The following MUC4 variants were observed in gnomAD, a reference collection of about 807,000 sequenced individuals.
MUC4 encodes the protein mucin 4, cell surface associated.
MUC4 carries 202 observed loss-of-function variants against 257.9 expected under a neutral mutation model. That is an observed-to-expected ratio of 0.78 (90% CI 0.70 to 0.88). MUC4 has a LOEUF of 0.88. MUC4 is among the 40% of genes least tolerant of loss of function. MUC4 has a pLI of 0.00. For missense variants in MUC4, 5,976 were observed against 6,513.7 expected (o/e 0.92, Z 2.84); for synonymous variants, 2,351 against 2,757.1 (o/e 0.85, Z 4.62).
chr3:195,787,055 T>G lies in MUC4; in HGVS notation c.4525A>C (p.Ser1509Arg). The G allele has an allele frequency of 7.1e-7, 1 of 1,413,728 alleles. No individual in the cohort carries two copies. The allele number at this position is 1,413,728 out of a possible 1,614,324, so 87.6% of individuals were successfully genotyped here. Residue 1509 changes from serine (S) to arginine (R), a missense_variant, in exon 2 of 25, where the codon AGC (serine) becomes CGC (arginine). This residue lies in a region of MUC4 where 19 missense variants were observed against 83.2 expected (regional missense o/e 0.23). Transcript: ENST00000463781. The part of the protein sequence containing the change: ...TGHVTPLHVT[S>R]PSSASTGHAT... Reference sequence around the variant, plus strand: ...TGACCTGTGGATGCTGAGGAAGGGCTGGTGACATGAAGAGGAGTGACGTGA... The same window carrying G: ...TGACCTGTGGATGCTGAGGAAGGGCGGGTGACATGAAGAGGAGTGACGTGA...
Position 195,771,826 on chromosome 3 carries a change from T to C in MUC4, c.13078-10A>G, listed in dbSNP as rs754742166. On this transcript the variant is annotated splice_polypyrimidine_tract_variant and intron_variant, in intron 4 of 24. Coordinates refer to ENST00000463781, the MANE Select transcript of MUC4 (RefSeq NM_018406.7). ...GGCCATTGTCTGTGAACTGAGCACA[T>C]GGGTTTTGTGGTCAGCATTCAGGGA... The C allele has an allele frequency of 1.9e-6, 3 of 1,611,864 alleles. No individual in the cohort carries two copies. The highest frequency in any genetic ancestry group is 1.1e-5 in the South Asian group (1 of 91,042).
chr3:195,803,958 A>C (rs1023226194), intron 1 of MUC4, among the ~76,000 whole-genome samples: 19 of 152,124 alleles, frequency 1.2e-4, no homozygotes, highest in Admixed American at 1.2e-3. Context: ...TGTTTTTGCA[A>C]TGTTCCTGGT....
At position 195,789,735 on chromosome 3, in the gene MUC4, T is replaced by C. The variant is rs146724565; in HGVS notation, c.1845A>G (p.Ser615=). ...HTSQQITTAP[S]TNHSTIHSTS... ...TGGAATGTATTGTTGAATGATTTGT[T>C]GATGGTGCCGTTGTAATTTGTTGGG... Residue 615 remains serine, a synonymous_variant, in exon 2 of 25, where the codon TCA becomes TCG. Coordinates refer to ENST00000463781, the MANE Select transcript of MUC4 (RefSeq NM_018406.7). 5.5e-5 allele frequency: 89 copies of C among 1,613,942 alleles called. No individual in the cohort carries two copies. In the East Asian group the frequency reaches 2.0e-3, roughly 36 times the overall value.
At position 195,791,086 on chromosome 3, in the gene MUC4, A is replaced by G. The variant is rs1430729564; in HGVS notation, c.494T>C (p.Val165Ala). ...STAGTESSTP[V>A]TSAVSITAGQ... is the part of the protein sequence containing the mutation. ...AGCTGTTATTGAGACTGCTGAGGTC[A>G]CTGGGGTAGAACTTTCAGTTCCTGC... Residue 165 changes from valine to alanine, a missense_variant, in exon 2 of 25, where the codon GTG becomes GCG. This residue lies in a region of MUC4 where 1,583 missense variants were observed against 1,257.4 expected (regional missense o/e 1.26). Coordinates refer to ENST00000463781, the MANE Select transcript of MUC4 (RefSeq NM_018406.7). 5 of 1,613,322 alleles carry G rather than the reference A, an allele frequency of 3.1e-6. No homozygotes were observed. Among genetic ancestry groups the G allele is most frequent in the Non-Finnish European group, 4.2e-6 (5 of 1,179,822 alleles).
chr3:195,784,823 CACCTGTGGATGCTGAGGAAAGGCTG>C lies in MUC4; in HGVS notation c.6732_6756del (p.Ser2245ThrfsTer751), dbSNP rs1730629869. 1 of 1,488,262 alleles carries C rather than the reference CACCTGTGGATGCTGAGGAAAGGCTG, an allele frequency of 6.7e-7. No homozygotes were observed. The highest frequency in any genetic ancestry group is 8.9e-7 in the Non-Finnish European group (1 of 1,119,260). 92.2% of individuals were successfully genotyped at this position (1,488,262 alleles called of 1,614,324 possible). ...TCGGTGACAGGAAGAGGGGTGGTGTCACCTGTGGATGCTGAGGAAAGGCTGGTGACAGGAAGAGGGGTGGCCTGTC... is the reference window on the plus strand; with the variant it reads ...TCGGTGACAGGAAGAGGGGTGGTGTCGTGACAGGAAGAGGGGTGGCCTGTC... On this transcript the variant is annotated frameshift_variant, in exon 2 of 25. Coordinates refer to ENST00000463781, the MANE Select transcript of MUC4 (RefSeq NM_018406.7). LOFTEE classifies it high-confidence loss of function.
At chr3:195,762,008 C>T in intron 14 of MUC4, 79 bp downstream of exon 14, 1 of 1,460,178 alleles carries the variant, frequency 6.8e-7, no homozygotes, top group Non-Finnish European at 9.2e-7. Context: ...CCGAGCAGGG[C>T]TGCCCGGGCC....
chr3:195,797,135 G>T (rs767494096), intron 1 of MUC4, among the ~76,000 whole-genome samples: 1 of 151,838 alleles, frequency 6.6e-6, no homozygotes, highest in Non-Finnish European at 1.5e-5. Flanking sequence ...TGGGCTTGGT[G>T]GCACACACCT....
At chr3:195,748,456 C>T (rs1170103292) in intron 24 of MUC4, among the ~76,000 whole-genome samples, 1 of 152,234 alleles carries the variant, frequency 6.6e-6, no homozygotes, top group Non-Finnish European at 1.5e-5. Flanking sequence ...CCCAACTACT[C>T]GGGAGGCTGA....
intron 1 of MUC4, among the ~76,000 whole-genome samples, chr3:195,803,458 G>A (rs1274297029): frequency 2.0e-5 from 3 of 152,224 alleles, no homozygotes; most frequent in South Asian, 2.1e-4. Flanking sequence ...TGCAAGCAGC[G>A]AGAGCCTCCG....
intron 6 of MUC4, 46 bp from the exon 7 acceptor site, chr3:195,769,198 G>A (rs368821153): frequency 3.2e-5 from 51 of 1,607,036 alleles, no homozygotes; most frequent in African/African-American, 1.6e-4. Flanking sequence ...TGAGAGATCC[G>A]GGGTCTCCTC....
rs1237629089 is a variant in MUC4 at position 195,788,709 on chromosome 3, C to T, written c.2871G>A (p.Leu957=). 6.2e-7 allele frequency: 1 copy of T among 1,611,802 alleles called. No homozygotes were observed. Among genetic ancestry groups the T allele is most frequent in the Admixed American group, 1.7e-5 (1 of 59,880 alleles). The part of the protein sequence containing the change: ...LTSPQTETHT[L]SPSGSGKTFT... ...AGGTTTTACCAGACCCTGAAGGTGA[C>T]AGAGTGTGGGTCTCGGTTTGTGGAG... Residue 957 remains leucine, a synonymous_variant, in exon 2 of 25, where the codon CTG becomes CTA. Coordinates refer to ENST00000463781, the MANE Select transcript of MUC4 (RefSeq NM_018406.7).
rs1736600202 is a variant in MUC4 at position 195,810,704 on chromosome 3, C to T, written c.82+1032G>A. 6.6e-6 allele frequency among the ~76,000 whole-genome samples: 1 copy of T among 152,172 alleles called. No individual in the cohort carries two copies. Among genetic ancestry groups the T allele is most frequent in the African/African-American group, 2.4e-5 (1 of 41,448 alleles). ...CGCACCACCCTCCCGGCCGGCCTGC[C>T]CCTCTCCTCCTTGTCGCTTCCCTTG... On this transcript the variant is annotated intron_variant, in intron 1 of 24. Transcript: ENST00000463781. This position sits in a 1 kb window ranked among gnomAD's most constrained non-coding sequence, Gnocchi z 4.2.
Position 195,783,533 on chromosome 3 carries a change from T to A in MUC4, c.8047A>T (p.Thr2683Ser), listed in dbSNP as rs200234549. 18 of 432,660 alleles carry A rather than the reference T, an allele frequency of 4.2e-5. 3 individuals are homozygous for A. Among genetic ancestry groups the A allele is most frequent in the Non-Finnish European group, 5.5e-5 (15 of 271,904 alleles). 26.8% of individuals were successfully genotyped at this position (432,660 alleles called of 1,614,324 possible). A position where few individuals can be genotyped will look rare whatever the true frequency, so the allele number is the denominator to read the frequency against. Residue 2683 changes from threonine (T) to serine (S), a missense_variant, in exon 2 of 25, where the codon ACC becomes TCC. Around this residue, in one of 44 missense-constraint regions of MUC4, gnomAD observed 75 missense variants for 58.7 expected, o/e 1.28. Transcript: ENST00000463781. ...ACAGGAAGAGAGGTGGCATGACCGGTGGATGCTGAGGAAGGGCTAGTGACA... is the reference window on the plus strand; with the variant it reads ...ACAGGAAGAGAGGTGGCATGACCGGAGGATGCTGAGGAAGGGCTAGTGACA... ...LPVTSPSSASTGHATSLPVTD... is the reference protein window; with the variant it reads ...LPVTSPSSASSGHATSLPVTD...
Position 195,762,035 on chromosome 3 carries a change from G to A in MUC4, c.14512+52C>T, listed in dbSNP as rs561988966. 2.5e-3 allele frequency: 3,874 copies of A among 1,532,990 alleles called. 10 individuals are homozygous for A. Among genetic ancestry groups the A allele is most frequent in the Non-Finnish European group, 2.7e-3 (3,116 of 1,143,280 alleles). The allele number at this position is 1,532,990 out of a possible 1,614,324, so 95.0% of individuals were successfully genotyped here. A position where few individuals can be genotyped will look rare whatever the true frequency, so the allele number is the denominator to read the frequency against. ...GCCCGGGCCGCCGGCGTGGGGGTCC[G>A]AGCTCCGGCTGGCTCCGCGGAGCCT... On this transcript the variant is annotated intron_variant, in intron 14 of 24. Coordinates refer to ENST00000463781, the MANE Select transcript of MUC4 (RefSeq NM_018406.7).
At position 195,760,916 on chromosome 3, in the gene MUC4, C is replaced by T; in HGVS notation, c.14816G>A (p.Ser4939Asn). The change falls in exon 16 of 25, where the codon AGT (serine) becomes AAT (asparagine). Residue 4939 changes from serine (S) to asparagine (N), a missense_variant. Transcript: ENST00000463781. The stretch of plus-strand genomic sequence containing the variant: ...GGCGTTCGCCTGCTCGTAGTTTTTA[C>T]TGACTTCCCTCGTGTGAAGTCCGAT... The part of the protein sequence containing the change: ...ASIGLHTREV[S>N]KNYEQANATL... The T allele has an allele frequency of 6.2e-7, 1 of 1,614,216 alleles. No individual in the cohort carries two copies. Among genetic ancestry groups the T allele is most frequent in the Non-Finnish European group, 8.5e-7 (1 of 1,180,040 alleles).
Position 195,789,178 on chromosome 3 carries a change from C to T in MUC4, c.2402G>A (p.Gly801Asp), listed in dbSNP as rs1358538841. 1 of 1,613,806 alleles carries T rather than the reference C, an allele frequency of 6.2e-7. No individual in the cohort carries two copies. The highest frequency in any genetic ancestry group is 2.2e-5 in the East Asian group (1 of 44,886). Reference sequence around the variant, plus strand: ...CCCGGATGAGGAAGGGGTAGCTGTGCCCGCTGAGGTGGTTCGTGACCCTGA... The same window carrying T: ...CCCGGATGAGGAAGGGGTAGCTGTGTCCGCTGAGGTGGTTCGTGACCCTGA... ...ASSGSRTTSA[G>D]TATPSSSGAS... The change falls in exon 2 of 25, where the codon GGC becomes GAC. Residue 801 changes from glycine to aspartate, a missense_variant. Around this residue, in one of 44 missense-constraint regions of MUC4, gnomAD observed 1,583 missense variants for 1,257.4 expected, o/e 1.26. Coordinates refer to ENST00000463781, the MANE Select transcript of MUC4 (RefSeq NM_018406.7).
At chr3:195,761,233 A>G in intron 15 of MUC4, 116 bp from the exon 16 acceptor site, 1 of 980,520 alleles carries the variant, frequency 1.0e-6, no homozygotes, top group Admixed American at 2.1e-5. Context: ...GTGCAGGGCC[A>G]GAGCGGTTTC....
chr3:195,766,022 G>A (rs1346408369), intron 8 of MUC4, among the ~76,000 whole-genome samples: 3 of 152,066 alleles, frequency 2.0e-5, no homozygotes, highest in African/African-American at 7.2e-5. Flanking sequence ...GTGCAGTGGC[G>A]CGATCTCGGC....
At chr3:195,767,561 T>C (rs1349595255) in intron 7 of MUC4, among the ~76,000 whole-genome samples, 3 of 18,758 alleles carry the variant, frequency 1.6e-4, no homozygotes, top group African/African-American at 7.5e-4. Context: ...ACCATTACCA[T>C]TGCCACCACC....
Sources: gnomAD v4.1 joint callset for allele counts (sites outside exome capture counted in the v4.1 genomes callset) on GRCh38, gnomAD v4.1.1 for gene constraint, gnomAD v4.1.1 regional missense constraint, Gnocchi (gnomAD v3.1) non-coding constraint, MANE v1.5 for transcripts, NCBI Gene and HGNC (gene_info 2026-07-23, HGNC 2026-07-21) for gene names.